The following AMELY variants were observed in gnomAD, a reference collection of about 807,000 sequenced individuals.
AMELY encodes amelogenin, Y isoform.
Under a neutral mutation model 4.2 loss-of-function variants are expected in AMELY, and 4 were observed. That is an observed-to-expected ratio of 0.96 (90% CI 0.47 to 2.19). AMELY has a LOEUF of 2.19. Ranked by LOEUF, AMELY falls within the 30% of genes most tolerant of loss-of-function variation. The pLI is 0.02. For synonymous variants in AMELY, 11 were observed against 14.7 expected (o/e 0.75, Z 0.57); for missense variants, 32 against 41.5 (o/e 0.77, Z 0.63).
At chrY:6,898,780 G>A (rs2054087505) in intron 1 of AMELY, among the ~76,000 whole-genome samples, 1 of 33,545 alleles carries the variant, frequency 3.0e-5, no homozygotes, top group Non-Finnish European at 7.3e-5. Context: ...TAATACATGT[G>A]AACTGTTTAA....
chrY:6,893,869 T>A, intron 1 of AMELY, among the ~76,000 whole-genome samples: 1 of 33,553 alleles, frequency 3.0e-5, no homozygotes, highest in Non-Finnish European at 7.3e-5. Flanking sequence ...TTTCCATAGC[T>A]TGTGCTTCCT....
chrY:6,878,171 G>A (rs1024912561), intron 1 of AMELY, among the ~76,000 whole-genome samples: 7 of 32,948 alleles, frequency 2.1e-4, no homozygotes, highest in Admixed American at 5.6e-4. Context: ...CCCCTTTCAA[G>A]GATTTCCACA....
At chrY:6,875,893 G>T (rs2054071585) in intron 1 of AMELY, among the ~76,000 whole-genome samples, 1 of 32,377 alleles carries the variant, frequency 3.1e-5, no homozygotes, top group Non-Finnish European at 7.6e-5. Flanking sequence ...CAAAATTATG[G>T]GTGAGCTCTA....
At chrY:6,885,595 T>C in intron 1 of AMELY, among the ~76,000 whole-genome samples, 1 of 34,533 alleles carries the variant, frequency 2.9e-5, no homozygotes, top group South Asian at 6.5e-4. Flanking sequence ...ATCACAGTAC[T>C]GTTCATAATA....
chrY:6,885,051 C>G, intron 1 of AMELY, among the ~76,000 whole-genome samples: 1 of 34,017 alleles, frequency 2.9e-5, no homozygotes, highest in Non-Finnish European at 7.3e-5. Context: ...TCACATCAAT[C>G]AGAATGTCTA....
chrY:6,885,787 C>T (rs762494010), intron 1 of AMELY, among the ~76,000 whole-genome samples: 45 of 34,482 alleles, frequency 1.3e-3, no homozygotes, highest in South Asian at 9.0e-3. Context: ...AACTAAATAT[C>T]ATATGTTCTC....
chrY:6,887,119 T>TGA (rs2054080548), intron 1 of AMELY, among the ~76,000 whole-genome samples: 1 of 33,007 alleles, frequency 3.0e-5, no homozygotes, highest in Non-Finnish European at 7.4e-5. Context: ...GTTCACAAAA[T>TGA]AGTTCTTCAA....
At chrY:6,870,898 G>A (rs2054067100) in intron 3 of AMELY, among the ~76,000 whole-genome samples, 1 of 33,380 alleles carries the variant, frequency 3.0e-5, no homozygotes, top group African/African-American at 1.2e-4. Flanking sequence ...CGGGGTCCAC[G>A]TGAAGAAGAG....
At chrY:6,878,634 T>C (rs769071912) in intron 1 of AMELY, among the ~76,000 whole-genome samples, 53 of 33,412 alleles carry the variant, frequency 1.6e-3, no homozygotes, top group South Asian at 3.4e-3. Flanking sequence ...AATTGAGAAA[T>C]GAGAGCATGG....
chrY:6,892,495 T>C, intron 1 of AMELY, among the ~76,000 whole-genome samples: 1 of 33,336 alleles, frequency 3.0e-5, no homozygotes, highest in South Asian at 6.9e-4. Context: ...CTCTGGTGTA[T>C]GGTGTGCACT....
chrY:6,888,698 T>C (rs2054081415), intron 1 of AMELY, among the ~76,000 whole-genome samples: 1 of 29,243 alleles, frequency 3.4e-5, no homozygotes, highest in Non-Finnish European at 8.0e-5. Flanking sequence ...GGTGAAAACC[T>C]GTCTCTACAA....
intron 1 of AMELY, among the ~76,000 whole-genome samples, chrY:6,897,763 G>T (rs757043776): frequency 9.7e-5 from 3 of 30,899 alleles, no homozygotes; most frequent in Admixed American, 3.0e-4. Context: ...ATGCCACCAT[G>T]CGTGGCTAAT....
At chrY:6,900,875 G>T in intron 1 of AMELY, 1 of 15,712 alleles carries the variant, frequency 6.4e-5, no homozygotes, top group African/African-American at 2.8e-4. Context: ...ACAGAGTTGT[G>T]CTCTGTCACC....
chrY:6,869,780 G>A lies in AMELY; in HGVS notation c.102+226C>T, dbSNP rs2054066096. On this transcript the variant is annotated intron_variant, in intron 4 of 6. Transcript: ENST00000651267. Reference sequence around the variant, plus strand: ...ATGAATAAACTTACAGCCATATTTAGGAGGAAAGAGTCAATCCGAATGGTC... The same window carrying A: ...ATGAATAAACTTACAGCCATATTTAAGAGGAAAGAGTCAATCCGAATGGTC... 1.2e-4 allele frequency: 19 copies of A among 159,019 alleles called. No homozygotes were observed. The Middle Eastern group carries it at 3.1e-3, about 26-fold the overall frequency. The allele number at this position is 159,019 out of a possible 400,897, so 39.7% of individuals were successfully genotyped here.
At chrY:6,909,214 T>C in intron 1 of AMELY, among the ~76,000 whole-genome samples, 1 of 32,991 alleles carries the variant, frequency 3.0e-5, no homozygotes, top group Non-Finnish European at 7.4e-5. Flanking sequence ...TAAAGACTTC[T>C]ACTCTTTACT....
At chrY:6,880,767 G>T (rs1603022071) in intron 1 of AMELY, among the ~76,000 whole-genome samples, 1 of 33,101 alleles carries the variant, frequency 3.0e-5, no homozygotes, top group Non-Finnish European at 7.5e-5. Context: ...GAGGGTGTAT[G>T]TGTCCAGGAA....
chrY:6,902,918 G>A (rs2054090213), intron 1 of AMELY, among the ~76,000 whole-genome samples: 1 of 32,332 alleles, frequency 3.1e-5, no homozygotes, highest in Non-Finnish European at 7.5e-5. Flanking sequence ...GTTTCACCAT[G>A]TTGGTCAGGC....
chrY:6,902,991 C>T, intron 1 of AMELY, among the ~76,000 whole-genome samples: 1 of 33,073 alleles, frequency 3.0e-5, no homozygotes, highest in African/African-American at 1.2e-4. Flanking sequence ...GCTAGGATTA[C>T]AGGCATGAGC....
chrY:6,868,796 A>G lies in AMELY; in HGVS notation c.103-20T>C. The G allele has an allele frequency of 2.6e-6, 1 of 382,961 alleles. No individual in the cohort carries two copies. Among genetic ancestry groups the G allele is most frequent in the South Asian group, 3.0e-5 (1 of 33,103 alleles). On this transcript the variant is annotated intron_variant, in intron 4 of 6. Coordinates refer to ENST00000651267, the MANE Select transcript of AMELY (RefSeq NM_001143.2). ...GAGCACCTTAAGAGAAAGATATATT[A>G]GAATCCATTTGATTTAATTTACTTT...
Sources: allele counts gnomAD v4.1 joint callset (sites outside exome capture counted in the v4.1 genomes callset), GRCh38; gene constraint gnomAD v4.1.1; transcripts MANE v1.5; gene names NCBI Gene and HGNC (gene_info 2026-07-23, HGNC 2026-07-21).